Variants in ZNF892 observed in about 807,000 individuals in gnomAD.
ZNF892 encodes the protein zinc finger protein 570-like.
the ZNF892 span, among the ~76,000 whole-genome samples, chr2:95,242,434 A>G: frequency 7.9e-5 from 12 of 152,224 alleles, no homozygotes; most frequent in Non-Finnish European, 2.9e-5. Context: ...TTTTCAGACA[A>G]ACAAATGCTG....
the ZNF892 span, chr2:95,215,180 T>G: frequency 8.8e-6 from 4 of 455,756 alleles, no homozygotes; most frequent in Middle Eastern, 9.7e-4. Context: ...ACCAGAGAAC[T>G]CATACTGGGG....
the ZNF892 span, among the ~76,000 whole-genome samples, chr2:95,250,471 TATA>T: frequency 1.3e-5 from 2 of 150,364 alleles, no homozygotes; most frequent in African/African-American, 4.8e-5. Context: ...TAAGAATACT[TATA>T]ATAATAAGCA....
At chr2:95,237,246 C>G in the ZNF892 span, among the ~76,000 whole-genome samples, 1 of 151,468 alleles carries the variant, frequency 6.6e-6, no homozygotes, top group Non-Finnish European at 1.5e-5. Context: ...CTCCTGGGTT[C>G]AAGTGATTCT....
At chr2:95,240,618 C>A in the ZNF892 span, among the ~76,000 whole-genome samples, 423 of 152,302 alleles carry the variant, frequency 2.8e-3, 4 homozygotes, top group African/African-American at 9.7e-3. Flanking sequence ...CTCGTACATA[C>A]CTCTAGAAAG....
chr2:95,227,142 C>T, the ZNF892 span, among the ~76,000 whole-genome samples: 8 of 129,052 alleles, frequency 6.2e-5, no homozygotes, highest in South Asian at 2.5e-3. Context: ...TCCTTCCTTC[C>T]TCCCTCCCTT....
At chr2:95,216,534 C>G in the ZNF892 span, among the ~76,000 whole-genome samples, 1 of 152,164 alleles carries the variant, frequency 6.6e-6, no homozygotes, top group African/African-American at 2.4e-5. Flanking sequence ...TGCACTGACA[C>G]TGCATATTAG....
the ZNF892 span, among the ~76,000 whole-genome samples, chr2:95,207,141 C>T: frequency 6.6e-6 from 1 of 152,232 alleles, no homozygotes; most frequent in Non-Finnish European, 1.5e-5. Context: ...TCTGTGTTGG[C>T]CACGAAGGGC....
At chr2:95,213,477 C>A in the ZNF892 span, among the ~76,000 whole-genome samples, 1 of 152,170 alleles carries the variant, frequency 6.6e-6, no homozygotes, top group Admixed American at 6.5e-5. Context: ...CAAATTCTTA[C>A]TAGGAAGCCC....
chr2:95,234,714 G>A, the ZNF892 span, among the ~76,000 whole-genome samples: 3 of 152,220 alleles, frequency 2.0e-5, no homozygotes, highest in Admixed American at 2.0e-4. Flanking sequence ...CAACTCCACG[G>A]GGGCCCTTCC....
the ZNF892 span, among the ~76,000 whole-genome samples, chr2:95,251,689 C>T: frequency 6.6e-6 from 1 of 152,232 alleles, no homozygotes; most frequent in Non-Finnish European, 1.5e-5. Context: ...CACAGGCTGG[C>T]GCCTGATGGA....
At chr2:95,244,103 CG>C in the ZNF892 span, among the ~76,000 whole-genome samples, 1 of 150,574 alleles carries the variant, frequency 6.6e-6, no homozygotes, top group African/African-American at 2.5e-5. Context: ...GGATTAAGGG[CG>C]GTGCAAGATG....
At chr2:95,245,512 G>A in the ZNF892 span, among the ~76,000 whole-genome samples, 42 of 137,790 alleles carry the variant, frequency 3.0e-4, 2 homozygotes, top group South Asian at 2.3e-3. Flanking sequence ...CTCGTGATCC[G>A]CCCACCTCGG....
chr2:95,233,545 C>T, the ZNF892 span, among the ~76,000 whole-genome samples: 174 of 150,914 alleles, frequency 1.2e-3, no homozygotes, highest in Admixed American at 2.7e-3. Context: ...TGGTGGTGGG[C>T]GCCTGTAGTC....
chr2:95,207,134 G>C, the ZNF892 span, among the ~76,000 whole-genome samples: 1 of 152,238 alleles, frequency 6.6e-6, no homozygotes, highest in Non-Finnish European at 1.5e-5. Context: ...GATCACCTCT[G>C]TGTTGGCCAC....
the ZNF892 span, among the ~76,000 whole-genome samples, chr2:95,245,447 C>T: frequency 8.5e-4 from 21 of 24,732 alleles, no homozygotes; most frequent in South Asian, 0.017. Flanking sequence ...TTAGTAGAGA[C>T]GGCGGGGGGG....
At chr2:95,216,271 G>T in the ZNF892 span, among the ~76,000 whole-genome samples, 3 of 152,206 alleles carry the variant, frequency 2.0e-5, no homozygotes, top group Non-Finnish European at 4.4e-5. Context: ...GGGTAATGCA[G>T]GGTGTTTGCT....
the ZNF892 span, among the ~76,000 whole-genome samples, chr2:95,234,324 A>G: frequency 6.6e-6 from 1 of 152,164 alleles, no homozygotes; most frequent in African/African-American, 2.4e-5. Flanking sequence ...AGGAAAAGTA[A>G]TTTCTCTCTC....
chr2:95,239,682 C>T, the ZNF892 span, among the ~76,000 whole-genome samples: 6 of 152,060 alleles, frequency 3.9e-5, no homozygotes, highest in Admixed American at 1.3e-4. Context: ...GGCTGGAGTG[C>T]GATAGTGCAA....
At chr2:95,209,963 G>T in the ZNF892 span, among the ~76,000 whole-genome samples, 1 of 151,966 alleles carries the variant, frequency 6.6e-6, no homozygotes, top group Non-Finnish European at 1.5e-5. Context: ...AGAGTAGGTA[G>T]TTCTTTTAAC....
Sources: gnomAD v4.1 joint callset for allele counts (sites outside exome capture counted in the v4.1 genomes callset) on GRCh38, gnomAD v4.1.1 for gene constraint, MANE v1.5 for transcripts, NCBI Gene and HGNC (gene_info 2026-07-23, HGNC 2026-07-21) for gene names.